The following PFKP variants were observed in gnomAD, a reference collection of about 807,000 sequenced individuals.
PFKP encodes the protein ATP-dependent 6-phosphofructokinase, platelet type.
PFKP carries 101 observed loss-of-function variants against 94.3 expected under a neutral mutation model. That is an observed-to-expected ratio of 1.07 (90% confidence interval 0.91 to 1.26). The LOEUF is 1.26. PFKP is among the 50% of genes most tolerant of loss of function. PFKP has a pLI of 0.00. For synonymous variants in PFKP, 573 were observed against 432.6 expected (o/e 1.32, Z -4.03); for missense variants, 1,145 against 1,103.3 (o/e 1.04, Z -0.53).
intron 1 of PFKP, 39 bp downstream of exon 1, chr10:3,067,746 G>C (rs1831837157): frequency 2.6e-6 from 3 of 1,157,158 alleles, no homozygotes; most frequent in Non-Finnish European, 3.6e-6. Flanking sequence ...AGGGACGGAC[G>C]GACGGAGCTG....
intron 2 of PFKP, among the ~76,000 whole-genome samples, chr10:3,087,984 C>CTTTTTTCTTTTTT (rs1833734397): frequency 1.0e-5 from 1 of 96,618 alleles, no homozygotes; most frequent in Admixed American, 1.2e-4. Flanking sequence ...ATCTTTCATT[C>CTTTTTTCTTTTTT]TTTTTTTTTT....
intron 1 of PFKP, among the ~76,000 whole-genome samples, chr10:3,079,292 T>A (rs1832837631): frequency 6.6e-6 from 1 of 151,762 alleles, no homozygotes; most frequent in Non-Finnish European, 1.5e-5. Flanking sequence ...TGGAGTGCAG[T>A]GGCATGATCT....
chr10:3,122,052 G>A (rs1837485667), intron 16 of PFKP, among the ~76,000 whole-genome samples: 1 of 142,986 alleles, frequency 7.0e-6, no homozygotes, highest in African/African-American at 2.6e-5. Flanking sequence ...AAAACGTCTG[G>A]GCTCAAGCAA....
chr10:3,107,340 G>A (rs754934669), intron 8 of PFKP, 31 bp downstream of exon 8: 48 of 1,378,914 alleles, frequency 3.5e-5, no homozygotes, highest in Non-Finnish European at 4.1e-5. Context: ...ACTTTCTCTC[G>A]GTTTCTGCCT....
At chr10:3,101,236 C>T (rs1046680955) in intron 3 of PFKP, 129 bp from the exon 4 acceptor site, 34 of 816,864 alleles carry the variant, frequency 4.2e-5, no homozygotes, top group Non-Finnish European at 6.3e-5. Flanking sequence ...TAGCTAGTTA[C>T]TAACTCACAA....
At chr10:3,105,972 C>T (rs1296699730) in intron 7 of PFKP, among the ~76,000 whole-genome samples, 1 of 152,232 alleles carries the variant, frequency 6.6e-6, no homozygotes, top group African/African-American at 2.4e-5. Flanking sequence ...ACGACGGGGA[C>T]AGCAGCCACG....
In PFKP at chr10:3,103,823, G is replaced by T; in HGVS notation, c.499G>T (p.Val167Leu). The change falls in exon 5 of 22, where the codon GTG becomes TTG. Residue 167 changes from valine to leucine, a missense_variant. This residue lies in a region of PFKP where 1,119 missense variants were observed against 1,062.8 expected (regional missense o/e 1.05). Transcript: ENST00000381125. ...CGTGCAGAAGTACGCCTACCTCAAC[G>T]TGGTGGGCATGGTGGGCTCCATCGA... ...EAVQKYAYLN[V>L]VGMVGSIDND... 6.2e-7 allele frequency: 1 copy of T among 1,614,038 alleles called. No individual in the cohort carries two copies. The highest frequency in any genetic ancestry group is 8.5e-7 in the Non-Finnish European group (1 of 1,180,040).
rs1384068310 is a variant in PFKP at position 3,067,713 on chromosome 10, C to T, written c.112+6C>T. The T allele has an allele frequency of 2.1e-6, 3 of 1,447,442 alleles. No individual in the cohort carries two copies. The highest frequency in any genetic ancestry group is 2.8e-6 in the Non-Finnish European group (3 of 1,083,938). The allele number at this position is 1,447,442 out of a possible 1,614,324, so 89.7% of individuals were successfully genotyped here. A position where few individuals can be genotyped will look rare whatever the true frequency, so the allele number is the denominator to read the frequency against. On this transcript the variant is annotated splice_donor_region_variant and intron_variant, in intron 1 of 21. Transcript: ENST00000381125. ...CAGCGGCGGGGATGCTCAAGGTGCG[C>T]GCCCCCCTCCCGGCGGCGAGGGAGG...
At chr10:3,127,222 C>T (rs1838048688) in intron 16 of PFKP, among the ~76,000 whole-genome samples, 1 of 152,244 alleles carries the variant, frequency 6.6e-6, no homozygotes, top group Non-Finnish European at 1.5e-5. Flanking sequence ...CGGCCTCTTC[C>T]GTACCAGCTG....
At chr10:3,088,044 G>C (rs908206882) in intron 2 of PFKP, among the ~76,000 whole-genome samples, 1 of 128,928 alleles carries the variant, frequency 7.8e-6, no homozygotes, top group Admixed American at 9.0e-5. Context: ...TGTGCACAAC[G>C]TGCAGGTTTG....
At chr10:3,107,828 G>C in intron 8 of PFKP, 1 of 1,251,822 alleles carries the variant, frequency 8.0e-7, no homozygotes, top group South Asian at 1.3e-5. Context: ...CCTGGGACTT[G>C]CTCAGGCCAG....
At chr10:3,083,697 C>T (rs117497120) in intron 2 of PFKP, among the ~76,000 whole-genome samples, 14 of 152,218 alleles carry the variant, frequency 9.2e-5, no homozygotes, top group African/African-American at 3.4e-4. Context: ...GGCTTGAGTG[C>T]AATGGCTTGA....
intron 1 of PFKP, among the ~76,000 whole-genome samples, chr10:3,078,756 C>G (rs534080841): frequency 9.8e-5 from 15 of 152,308 alleles, no homozygotes; most frequent in Admixed American, 5.9e-4. Flanking sequence ...TGCAGGCTTC[C>G]TGTGAGAAAC....
At chr10:3,072,123 G>T (rs1173068107) in intron 1 of PFKP, among the ~76,000 whole-genome samples, 1 of 152,258 alleles carries the variant, frequency 6.6e-6, no homozygotes, top group Non-Finnish European at 1.5e-5. Context: ...GAAACCAGGG[G>T]TTCTAGCTGT....
intron 4 of PFKP, among the ~76,000 whole-genome samples, chr10:3,102,249 T>TAAAAAAAAAAAAA (rs1564300704): frequency 7.3e-5 from 1 of 13,606 alleles, no homozygotes; most frequent in Non-Finnish European, 1.3e-4. Context: ...AGACTCTGTC[T>TAAAAAAAAAAAAA]CAAAAAAAAA....
intron 16 of PFKP, chr10:3,125,013 C>G (rs1236745786): frequency 9.4e-7 from 1 of 1,069,378 alleles, no homozygotes; most frequent in African/African-American, 1.7e-5. Flanking sequence ...CCCCTCCCGT[C>G]CCTTCCTGGA....
intron 8 of PFKP, chr10:3,108,027 C>G (rs1322976138): frequency 7.8e-7 from 1 of 1,288,568 alleles, no homozygotes. Context: ...CAAAGCATAT[C>G]TCTGGATATG....
At chr10:3,136,177 A>G (rs1381207177) in intron 21 of PFKP, among the ~76,000 whole-genome samples, 1 of 152,150 alleles carries the variant, frequency 6.6e-6, no homozygotes, top group Non-Finnish European at 1.5e-5. Context: ...GGCAGGAGAA[A>G]TCGCTTGAAC....
At chr10:3,127,707 T>C (rs1293303885) in intron 16 of PFKP, among the ~76,000 whole-genome samples, 1 of 152,220 alleles carries the variant, frequency 6.6e-6, no homozygotes, top group Admixed American at 6.5e-5. Flanking sequence ...ATCTGTCCTC[T>C]GTCCTCCTAA....
Sources: allele counts gnomAD v4.1 joint callset (sites outside exome capture counted in the v4.1 genomes callset), GRCh38; gene constraint gnomAD v4.1.1; regional missense constraint gnomAD v4.1.1; transcripts MANE v1.5; gene names NCBI Gene and HGNC (gene_info 2026-07-23, HGNC 2026-07-21).